Variants in ZMYM2 observed in about 807,000 individuals in gnomAD.
ZMYM2 encodes the protein zinc finger MYM-type containing 2, also known as zinc finger MYM-type protein 2.
ZMYM2 carries 56 observed loss-of-function variants against 162.8 expected under a neutral mutation model. That is an observed-to-expected ratio of 0.34 (90% confidence interval 0.28 to 0.43). The LOEUF (loss-of-function observed/expected upper bound fraction) is 0.43, where lower values mean the gene tolerates loss of function less well. Ranked by LOEUF, ZMYM2 falls within the 20% of genes least tolerant of loss-of-function variation. The probability of loss-of-function intolerance (pLI) is 1.00; values close to 1 mark genes in which losing one functional copy is unlikely to be tolerated. For missense variants in ZMYM2, 1,275 were observed against 1,621.8 expected, an observed-to-expected ratio of 0.79 and a Z score of 3.67; for synonymous variants, 510 against 541.6, an observed-to-expected ratio of 0.94 and a Z score of 0.81.
chr13:20,010,631 T>TTGTC (rs201037451), intron 6 of ZMYM2, among the ~76,000 whole-genome samples: 1 of 146,682 alleles, frequency 6.8e-6, no homozygotes, highest in African/African-American at 2.6e-5. Flanking sequence ...TGTTTTTTGT[T>TTGTC]TGTCTGTTTG....
At chr13:19,966,466 T>TG (rs1955795107) in intron 2 of ZMYM2, among the ~76,000 whole-genome samples, 1 of 151,442 alleles carries the variant, frequency 6.6e-6, no homozygotes, top group Admixed American at 6.6e-5. Flanking sequence ...TCTTTTTTTT[T>TG]TTTTGGATAC....
intron 11 of ZMYM2, 67 bp downstream of exon 11, chr13:20,034,471 T>A: frequency 7.5e-7 from 1 of 1,341,016 alleles, no homozygotes; most frequent in Non-Finnish European, 9.7e-7. Flanking sequence ...CAAAATAATA[T>A]ATCCAGAGTG....
chr13:20,065,130 G>A (rs1956573826), intron 19 of ZMYM2, among the ~76,000 whole-genome samples: 1 of 152,028 alleles, frequency 6.6e-6, no homozygotes, highest in South Asian at 2.1e-4. Flanking sequence ...ATAATATTCT[G>A]TCAACTTTCT....
intron 6 of ZMYM2, among the ~76,000 whole-genome samples, chr13:20,009,722 A>G (rs896660037): frequency 2.6e-5 from 4 of 152,328 alleles, no homozygotes; most frequent in Admixed American, 2.0e-4. Flanking sequence ...AGTTTCATCC[A>G]TAGTATAGCC....
At chr13:20,072,659 T>C (rs1297510648) in intron 21 of ZMYM2, among the ~76,000 whole-genome samples, 1 of 152,204 alleles carries the variant, frequency 6.6e-6, no homozygotes, top group African/African-American at 2.4e-5. Context: ...CATATAGGCT[T>C]AGGATTACTT....
At chr13:20,006,656 C>A in intron 6 of ZMYM2, 70 bp downstream of exon 6, 3 of 1,430,790 alleles carry the variant, frequency 2.1e-6, no homozygotes, top group East Asian at 2.3e-5. Flanking sequence ...TACTTTTACT[C>A]TAACAGTGTT....
At chr13:19,947,588 A>G in the ZMYM2 span, among the ~76,000 whole-genome samples, 1 of 148,440 alleles carries the variant, frequency 6.7e-6, no homozygotes, top group Non-Finnish European at 1.5e-5. Context: ...CCTCGCGGGT[A>G]GCTGGGATTA....
chr13:20,032,888 C>T (rs1015024604), intron 10 of ZMYM2, among the ~76,000 whole-genome samples: 1 of 152,062 alleles, frequency 6.6e-6, no homozygotes, highest in Non-Finnish European at 1.5e-5. Flanking sequence ...GGATCACAGG[C>T]GTGAGCCACC....
At chr13:20,041,153 G>T (rs1954210794) in intron 12 of ZMYM2, among the ~76,000 whole-genome samples, 1 of 152,168 alleles carries the variant, frequency 6.6e-6, no homozygotes. Flanking sequence ...CTGCTTTGAT[G>T]ATCTGTCTGA....
At chr13:19,991,197 T>G (rs944254260) in intron 2 of ZMYM2, among the ~76,000 whole-genome samples, 5 of 152,012 alleles carry the variant, frequency 3.3e-5, no homozygotes, top group African/African-American at 1.2e-4. Flanking sequence ...CACTGCAACC[T>G]CGAACTCCTG....
rs1953106648 is a variant in ZMYM2, at chr13:20,031,259, A to G, written c.1852-60A>G. ...TGGACATCGTAGATATATGACAGTAATCACAAATAGAAATTCAAACATACA... is the reference window on the plus strand; with the variant it reads ...TGGACATCGTAGATATATGACAGTAGTCACAAATAGAAATTCAAACATACA... On this transcript the variant is annotated intron_variant, in intron 9 of 24. Transcript: ENST00000610343. 8.4e-6 allele frequency: 10 copies of G among 1,196,910 alleles called. No homozygotes were observed. The Admixed American group carries it at 2.4e-4, about 28-fold the overall frequency. 74.1% of individuals were successfully genotyped at this position (1,196,910 alleles called of 1,614,324 possible). A position where few individuals can be genotyped will look rare whatever the true frequency, so the allele number is the denominator to read the frequency against.
At chr13:20,068,811 A>G (rs1956870615) in intron 21 of ZMYM2, among the ~76,000 whole-genome samples, 1 of 152,168 alleles carries the variant, frequency 6.6e-6, no homozygotes, top group African/African-American at 2.4e-5. Flanking sequence ...GCGTTGTGCC[A>G]TATCAACTCA....
the ZMYM2 span, among the ~76,000 whole-genome samples, chr13:19,909,946 T>C: frequency 0.085 from 12,848 of 151,356 alleles, 577 homozygotes; most frequent in Middle Eastern, 0.13. Context: ...CCGGGCATGG[T>C]GGCTCACGCC....
intron 21 of ZMYM2, among the ~76,000 whole-genome samples, chr13:20,072,741 C>T (rs1351591084): frequency 1.3e-5 from 2 of 151,868 alleles, no homozygotes; most frequent in African/African-American, 2.4e-5. Context: ...TAGTTGATAT[C>T]AACTGTTTAG....
At chr13:19,898,237 C>CTT in the ZMYM2 span, among the ~76,000 whole-genome samples, 19,314 of 144,930 alleles carry the variant, frequency 0.13, 1,537 homozygotes, top group African/African-American at 0.23. Context: ...AGAACACACT[C>CTT]TTTTTTTTTT....
intron 17 of ZMYM2, 113 bp downstream of exon 17, chr13:20,061,337 G>A: frequency 4.2e-6 from 5 of 1,186,444 alleles, no homozygotes; most frequent in Non-Finnish European, 2.3e-6. Context: ...GTGGGGGTGA[G>A]GAAAGCATTG....
chr13:19,879,580 G>A, the ZMYM2 span, among the ~76,000 whole-genome samples: 2 of 152,154 alleles, frequency 1.3e-5, no homozygotes, highest in East Asian at 1.9e-4. Flanking sequence ...AGCAGGAAGC[G>A]AGTCTTTCCA....
intron 14 of ZMYM2, among the ~76,000 whole-genome samples, chr13:20,056,607 A>G (rs1177194120): frequency 6.6e-6 from 1 of 152,166 alleles, no homozygotes; most frequent in African/African-American, 2.4e-5. Flanking sequence ...TGGCGACACA[A>G]CCTGGGGGCA....
chr13:19,884,087 T>C, the ZMYM2 span, among the ~76,000 whole-genome samples: 1 of 152,174 alleles, frequency 6.6e-6, no homozygotes, highest in East Asian at 1.9e-4. Context: ...AAGTTAAGTT[T>C]CTGCAGGGTA....
Sources: gnomAD v4.1 joint callset for allele counts (sites outside exome capture counted in the v4.1 genomes callset) on GRCh38, gnomAD v4.1.1 for gene constraint, MANE v1.5 for transcripts, NCBI Gene and HGNC (gene_info 2026-07-23, HGNC 2026-07-21) for gene names.